ITPR2: variants seen among roughly 807,000 people sequenced by gnomAD.
ITPR2 encodes the protein inositol 1,4,5-trisphosphate-gated calcium channel ITPR2.
In ITPR2, 207 loss-of-function variants were observed where a neutral mutation model predicts 317.1. That is an observed-to-expected ratio of 0.65 (90% CI 0.58 to 0.73). The LOEUF is 0.73. Among genes scored for constraint, ITPR2 ranks in the 30% least tolerant of loss-of-function variants. The pLI is 0.00. For missense variants in ITPR2, 2,613 were observed against 3,284.0 expected (o/e 0.80, Z 4.99); for synonymous variants, 1,156 against 1,149.1 (o/e 1.01, Z -0.12).
chr12:26,653,081 A>T (rs1947291380), intron 21 of ITPR2, among the ~76,000 whole-genome samples: 1 of 152,120 alleles, frequency 6.6e-6, no homozygotes, highest in Non-Finnish European at 1.5e-5. Context: ...AATCATAGAG[A>T]AGACAAGTAC....
chr12:26,415,860 T>G (rs1284552631), intron 50 of ITPR2, among the ~76,000 whole-genome samples: 1 of 152,174 alleles, frequency 6.6e-6, no homozygotes, highest in Non-Finnish European at 1.5e-5. Flanking sequence ...TTATTTTTGG[T>G]CTTACTGATA....
intron 34 of ITPR2, among the ~76,000 whole-genome samples, chr12:26,574,704 C>T (rs947258217): frequency 6.6e-6 from 1 of 152,074 alleles, no homozygotes; most frequent in Non-Finnish European, 1.5e-5. Context: ...ACAAGCATGG[C>T]CTTTGCACCT....
intron 2 of ITPR2, among the ~76,000 whole-genome samples, chr12:26,738,944 G>A (rs868525141): frequency 6.6e-6 from 1 of 152,124 alleles, no homozygotes; most frequent in African/African-American, 2.4e-5. Flanking sequence ...CAGAGGACTT[G>A]GATCCAGAAT....
At chr12:26,496,010 C>T (rs1299918715) in intron 37 of ITPR2, among the ~76,000 whole-genome samples, 1 of 152,142 alleles carries the variant, frequency 6.6e-6, no homozygotes, top group Admixed American at 6.5e-5. Context: ...GACTACAGGA[C>T]ATTTTTAAAA....
intron 32 of ITPR2, among the ~76,000 whole-genome samples, chr12:26,585,205 C>T (rs1305782366): frequency 6.6e-6 from 1 of 151,936 alleles, no homozygotes; most frequent in Non-Finnish European, 1.5e-5. Context: ...TTTTGTTCTG[C>T]CATATATATT....
At chr12:26,528,884 G>T (rs1943877361) in intron 37 of ITPR2, among the ~76,000 whole-genome samples, 1 of 152,134 alleles carries the variant, frequency 6.6e-6, no homozygotes, top group African/African-American at 2.4e-5. Flanking sequence ...ACAACAAATG[G>T]CACTTCCATT....
intron 45 of ITPR2, among the ~76,000 whole-genome samples, chr12:26,456,448 C>T (rs559923221): frequency 6.6e-6 from 1 of 152,320 alleles, no homozygotes; most frequent in Admixed American, 6.5e-5. Flanking sequence ...TTCTAGAAAA[C>T]TCACAAATAA....
At chr12:26,362,505 C>A (rs956864416) in intron 55 of ITPR2, among the ~76,000 whole-genome samples, 2 of 152,180 alleles carry the variant, frequency 1.3e-5, no homozygotes, top group African/African-American at 4.8e-5. Flanking sequence ...TGCAAGAATA[C>A]GGATAGACTT....
chr12:26,695,184 A>T (rs1948316350), intron 10 of ITPR2, among the ~76,000 whole-genome samples: 1 of 152,342 alleles, frequency 6.6e-6, no homozygotes, highest in South Asian at 2.1e-4. Flanking sequence ...ATTGCTCTTT[A>T]AAACTTTTTA....
intron 21 of ITPR2, among the ~76,000 whole-genome samples, chr12:26,634,042 C>T (rs1465599596): frequency 1.3e-5 from 2 of 152,220 alleles, no homozygotes; most frequent in Non-Finnish European, 2.9e-5. Context: ...TAATTTGTAA[C>T]ACATGTCGTC....
chr12:26,615,100 A>T (rs974520061), intron 26 of ITPR2, among the ~76,000 whole-genome samples: 2 of 152,202 alleles, frequency 1.3e-5, no homozygotes, highest in African/African-American at 4.8e-5. Context: ...TCTAAACCTA[A>T]AACTGCTCTA....
At chr12:26,611,899 G>A (rs188651834) in intron 26 of ITPR2, among the ~76,000 whole-genome samples, 21 of 152,314 alleles carry the variant, frequency 1.4e-4, no homozygotes, top group African/African-American at 5.1e-4. Flanking sequence ...TACTGATATT[G>A]TCAACTTGTT....
chr12:26,747,939 T>C (rs970444480), intron 2 of ITPR2, among the ~76,000 whole-genome samples: 4 of 152,222 alleles, frequency 2.6e-5, no homozygotes, highest in African/African-American at 9.6e-5. Flanking sequence ...GGGACTTCTG[T>C]GTGCTACTCC....
intron 2 of ITPR2, among the ~76,000 whole-genome samples, chr12:26,783,477 T>C (rs1036653508): frequency 6.6e-5 from 10 of 152,190 alleles, no homozygotes; most frequent in Non-Finnish European, 8.8e-5. Flanking sequence ...GACATAAACC[T>C]CTCTTTAAGT....
chr12:26,832,628 G>C (rs953372523), intron 1 of ITPR2, 62 bp downstream of exon 1: 1 of 1,313,138 alleles, frequency 7.6e-7, no homozygotes. Flanking sequence ...GCGGAGGAGG[G>C]ACAGGGACTG....
At chr12:26,384,442 C>T (rs1939606727) in intron 55 of ITPR2, among the ~76,000 whole-genome samples, 1 of 152,132 alleles carries the variant, frequency 6.6e-6, no homozygotes, top group Non-Finnish European at 1.5e-5. Context: ...TGGATGTGCA[C>T]TGCTTGGATG....
intron 9 of ITPR2, 80 bp downstream of exon 9, chr12:26,711,093 G>T: frequency 1.2e-6 from 1 of 858,248 alleles, no homozygotes; most frequent in South Asian, 1.4e-5. Flanking sequence ...CTGCAAATAC[G>T]ATGTCTTGTG....
intron 54 of ITPR2, among the ~76,000 whole-genome samples, chr12:26,395,485 A>C (rs1023098797): frequency 6.6e-6 from 1 of 152,350 alleles, no homozygotes; most frequent in Admixed American, 6.5e-5. Context: ...GTTAAAATAT[A>C]GGAGACAATA....
rs1250231891 is a variant in ITPR2, at chr12:26,680,383, T to C, written c.1409+1491A>G. ...TTTGGTGAGTTTTTTCATTAAATGA[T>C]CACTATGTCAAAATTTAAAAATATT... On this transcript the variant is annotated intron_variant, in intron 13 of 56. Coordinates refer to ENST00000381340, the MANE Select transcript of ITPR2 (RefSeq NM_002223.4). Among the ~76,000 whole-genome samples, 6 of 152,162 alleles carry C rather than the reference T, an allele frequency of 3.9e-5. No individual in the cohort carries two copies. The East Asian group carries it at 1.2e-3, about 29-fold the overall frequency.
Sources: gnomAD v4.1 joint callset for allele counts (sites outside exome capture counted in the v4.1 genomes callset) on GRCh38, gnomAD v4.1.1 for gene constraint, MANE v1.5 for transcripts, NCBI Gene and HGNC (gene_info 2026-07-23, HGNC 2026-07-21) for gene names.